Variants in ACAP2 observed in about 807,000 individuals in gnomAD.
ACAP2 encodes arf-GAP with coiled-coil, ANK repeat and PH domain-containing protein 2.
Under a neutral mutation model 115.8 loss-of-function variants are expected in ACAP2, and 39 were observed. The ratio of observed to expected loss-of-function variants is 0.34; its 90% CI spans 0.26 to 0.44. The LOEUF is 0.44. Ranked by LOEUF, ACAP2 falls within the 20% of genes least tolerant of loss-of-function variation. The probability of loss-of-function intolerance (pLI) is 1.00; values close to 1 mark genes in which losing one functional copy is unlikely to be tolerated. For synonymous variants in ACAP2, 289 were observed against 315.8 expected, an observed-to-expected ratio of 0.92 and a Z score of 0.90; for missense variants, 662 against 927.6, an observed-to-expected ratio of 0.71 and a Z score of 3.72.
chr3:195,354,730 G>A (rs114637191), intron 4 of ACAP2, among the ~76,000 whole-genome samples: 2,622 of 152,172 alleles, frequency 0.017, 38 homozygotes, highest in African/African-American at 0.037. Context: ...CAACTTCATC[G>A]TGAACTCTTG....
intron 17 of ACAP2, chr3:195,295,347 G>C: frequency 8.5e-7 from 1 of 1,170,420 alleles, no homozygotes; most frequent in African/African-American, 1.6e-5. Context: ...CATAAGAAGG[G>C]AAAAGGGCAG....
At chr3:195,322,031 A>G (rs1359813386) in intron 9 of ACAP2, among the ~76,000 whole-genome samples, 6 of 152,158 alleles carry the variant, frequency 3.9e-5, no homozygotes, top group Non-Finnish European at 8.8e-5. Flanking sequence ...TCACTTTTTT[A>G]TGAGTACTAT....
At chr3:195,390,842 T>C (rs1263902888) in intron 2 of ACAP2, among the ~76,000 whole-genome samples, 1 of 152,196 alleles carries the variant, frequency 6.6e-6, no homozygotes, top group Non-Finnish European at 1.5e-5. Flanking sequence ...TCTCCAGAAA[T>C]TTAAAGAGAA....
At chr3:195,327,545 T>C (rs1464408988) in intron 8 of ACAP2, among the ~76,000 whole-genome samples, 1 of 151,962 alleles carries the variant, frequency 6.6e-6, no homozygotes, top group Non-Finnish European at 1.5e-5. Context: ...CTAAAAATAA[T>C]AATAATAAAA....
chr3:195,377,138 C>CTTTTTTTTTTTTTTTTTT lies in ACAP2; in HGVS notation c.285+3853_285+3870dup, dbSNP rs749352761. On this transcript the variant is annotated intron_variant, in intron 4 of 22. Coordinates refer to ENST00000326793, the MANE Select transcript of ACAP2 (RefSeq NM_012287.6). ...CATTTTACAGAGGAGGAATGTAAAT[C>CTTTTTTTTTTTTTTTTTT]TTTTTTTTTTTTTTTTTTTTTTTGG... is the stretch of plus-strand genomic sequence containing the variant. Among the ~76,000 whole-genome samples, 48 of 77,110 alleles carry CTTTTTTTTTTTTTTTTTT rather than the reference C, an allele frequency of 6.2e-4. 11 individuals are homozygous for CTTTTTTTTTTTTTTTTTT. The highest frequency in any genetic ancestry group is 2.2e-3 in the African/African-American group (41 of 18,898). The allele number at this position is 77,110 out of a possible 152,430, so 50.6% of individuals were successfully genotyped here.
intron 2 of ACAP2, 128 bp downstream of exon 2, chr3:195,391,962 T>G: frequency 1.4e-6 from 1 of 707,300 alleles, no homozygotes; most frequent in Non-Finnish European, 2.4e-6. Context: ...GCCACTGCAC[T>G]TCAGCCTGGG....
intron 4 of ACAP2, among the ~76,000 whole-genome samples, chr3:195,370,675 G>A (rs1733066798): frequency 6.6e-6 from 1 of 152,276 alleles, no homozygotes; most frequent in Non-Finnish European, 1.5e-5. Flanking sequence ...TCTGGGCCAG[G>A]TGTGGTGACT....
At chr3:195,382,133 T>C (rs1193627900) in intron 2 of ACAP2, 111 bp from the exon 3 acceptor site, 4 of 992,368 alleles carry the variant, frequency 4.0e-6, no homozygotes, top group Non-Finnish European at 5.9e-6. Flanking sequence ...TCAATTTGTT[T>C]CATCGATAAA....
chr3:195,297,153 A>C, intron 16 of ACAP2, 37 bp downstream of exon 16: 1 of 1,544,422 alleles, frequency 6.5e-7, no homozygotes, highest in Non-Finnish European at 8.9e-7. Flanking sequence ...TCATAGCTAT[A>C]TTCCTAATTA....
chr3:195,382,470 C>T (rs1734012679), intron 2 of ACAP2, among the ~76,000 whole-genome samples: 1 of 152,064 alleles, frequency 6.6e-6, no homozygotes. Context: ...CTCTCTCTCC[C>T]GTCCTTCTTC....
chr3:195,382,092 GC>G, intron 2 of ACAP2, 70 bp from the exon 3 acceptor site: 1 of 1,467,884 alleles, frequency 6.8e-7, no homozygotes, highest in Non-Finnish European at 9.3e-7. Flanking sequence ...ACAAGTGTTG[GC>G]AGTAACTATA....
intron 13 of ACAP2, among the ~76,000 whole-genome samples, chr3:195,304,448 A>G (rs76505571): frequency 0.012 from 1,759 of 152,286 alleles, 34 homozygotes; most frequent in African/African-American, 0.04. Flanking sequence ...ATATGACACC[A>G]ATTCACGAAA....
intron 1 of ACAP2, among the ~76,000 whole-genome samples, chr3:195,441,303 G>A (rs1044035467): frequency 4.6e-5 from 7 of 152,178 alleles, no homozygotes; most frequent in African/African-American, 7.2e-5. Flanking sequence ...TTGCCATGCT[G>A]TCCTGGAAAC....
At chr3:195,441,540 A>C (rs774100436) in intron 1 of ACAP2, among the ~76,000 whole-genome samples, 3 of 152,230 alleles carry the variant, frequency 2.0e-5, no homozygotes, top group Non-Finnish European at 2.9e-5. Flanking sequence ...TAGTTTTACA[A>C]TTCTTTTCTT....
intron 1 of ACAP2, among the ~76,000 whole-genome samples, chr3:195,414,022 G>C (rs1713508862): frequency 6.6e-6 from 1 of 151,876 alleles, no homozygotes; most frequent in Non-Finnish European, 1.5e-5. Context: ...AGAAAGAAAA[G>C]AGGAGGAGAA....
chr3:195,438,309 T>C (rs569577530), intron 1 of ACAP2, among the ~76,000 whole-genome samples: 3 of 152,116 alleles, frequency 2.0e-5, no homozygotes, highest in South Asian at 4.2e-4. Context: ...ATTACAGGTT[T>C]GAGCCACCAC....
rs868461253 is a variant in ACAP2 at position 195,442,805 on chromosome 3, G to A, written c.43C>T (p.Pro15Ser). Reference protein sequence around the residue: ...VDFEECLKDSPRFRAALEEVE... With the variant: ...VDFEECLKDSSRFRAALEEVE... ...GGCCGTGCCGGTTACCTGAAGCGGGGCGAGTCCTTCAGACACTCCTCGAAA... is the reference window on the plus strand; with the variant it reads ...GGCCGTGCCGGTTACCTGAAGCGGGACGAGTCCTTCAGACACTCCTCGAAA... Residue 15 changes from proline to serine, a missense_variant, in exon 1 of 23, where the codon CCC (proline) becomes TCC (serine). By Grantham distance (74) the Pro-to-Ser change is moderately conservative. Around this residue, in one of 3 missense-constraint regions of ACAP2, gnomAD observed 401 missense variants for 604.4 expected, o/e 0.66. Transcript: ENST00000326793. 6.5e-7 allele frequency: 1 copy of A among 1,530,298 alleles called. No individual in the cohort carries two copies. The highest frequency in any genetic ancestry group is 8.8e-7 in the Non-Finnish European group (1 of 1,138,790). The allele number at this position is 1,530,298 out of a possible 1,614,324, so 94.8% of individuals were successfully genotyped here.
chr3:195,300,723 G>T (rs1391610261), intron 15 of ACAP2, among the ~76,000 whole-genome samples: 1 of 152,152 alleles, frequency 6.6e-6, no homozygotes, highest in Non-Finnish European at 1.5e-5. Context: ...TTAAGGCATA[G>T]AATCTGAACT....
chr3:195,294,606 AAATT>A (rs531128712), intron 18 of ACAP2, 109 bp downstream of exon 18: 14,625 of 91,350 alleles, frequency 0.16, 1,222 homozygotes, highest in East Asian at 0.49. Flanking sequence ...AAAAAAAAAA[AAATT>A]ATATATATAT....
Sources: gnomAD v4.1 joint callset for allele counts (sites outside exome capture counted in the v4.1 genomes callset) on GRCh38, gnomAD v4.1.1 for gene constraint, gnomAD v4.1.1 regional missense constraint, MANE v1.5 for transcripts, NCBI Gene and HGNC (gene_info 2026-07-23, HGNC 2026-07-21) for gene names.